MEMO1: variants seen among roughly 807,000 people sequenced by gnomAD.
MEMO1 encodes the protein protein MEMO1.
A neutral mutation model predicts 45.2 loss-of-function variants in MEMO1; 6 were observed. The observed-to-expected ratio is 0.13, with a 90% CI of 0.07 to 0.26. MEMO1 has a LOEUF of 0.26. MEMO1 is among the 10% of genes least tolerant of loss of function. The probability of loss-of-function intolerance (pLI) is 1.00; values close to 1 mark genes in which losing one functional copy is unlikely to be tolerated. For synonymous variants in MEMO1, 78 were observed against 124.3 expected (o/e 0.63, Z 2.48); for missense variants, 184 against 370.5 (o/e 0.50, Z 4.13).
chr2:31,950,535 A>G (rs566918879), intron 2 of MEMO1, among the ~76,000 whole-genome samples: 3 of 152,042 alleles, frequency 2.0e-5, no homozygotes, highest in Non-Finnish European at 4.4e-5. Flanking sequence ...CCTGGCCAAC[A>G]TGGTGAAACC....
At chr2:31,971,593 C>T (rs1669414235) in intron 2 of MEMO1, among the ~76,000 whole-genome samples, 1 of 152,056 alleles carries the variant, frequency 6.6e-6, no homozygotes, top group Admixed American at 6.6e-5. Flanking sequence ...CCAGGCTGAA[C>T]TAGAACTCCT....
At chr2:31,944,000 C>T (rs1190973924) in intron 2 of MEMO1, among the ~76,000 whole-genome samples, 1 of 152,188 alleles carries the variant, frequency 6.6e-6, no homozygotes, top group Non-Finnish European at 1.5e-5. Flanking sequence ...TGTCCTTCGT[C>T]TCTACTTCTT....
At chr2:31,918,175 A>G in intron 5 of MEMO1, 138 bp from the exon 6 acceptor site, 1 of 486,412 alleles carries the variant, frequency 2.1e-6, no homozygotes, top group East Asian at 3.3e-5. Context: ...TTTTTATTAA[A>G]ACAAAACAAA....
intron 2 of MEMO1, among the ~76,000 whole-genome samples, chr2:31,978,247 C>T (rs376242628): frequency 2.6e-5 from 4 of 151,862 alleles, no homozygotes; most frequent in Admixed American, 6.6e-5. Context: ...ATTAGCTGGG[C>T]GTGGTGGTGG....
chr2:32,002,433 A>C (rs561430342), intron 2 of MEMO1, among the ~76,000 whole-genome samples: 1 of 151,212 alleles, frequency 6.6e-6, no homozygotes, highest in African/African-American at 2.4e-5. Context: ...TAATACACAC[A>C]TATACATAAT....
intron 2 of MEMO1, among the ~76,000 whole-genome samples, chr2:32,001,358 T>A (rs943095030): frequency 1.3e-5 from 2 of 152,058 alleles, no homozygotes; most frequent in Non-Finnish European, 2.9e-5. Context: ...TAAATTTTAT[T>A]ACGTCCAATT....
In MEMO1 at chr2:31,951,154, T is replaced by A. The variant is rs771230507; in HGVS notation, c.62-7771A>T. Among the ~76,000 whole-genome samples, 89 of 152,322 alleles carry A rather than the reference T, an allele frequency of 5.8e-4. 1 individual carries two copies. The highest frequency in any genetic ancestry group is 1.8e-4 in the Non-Finnish European group (12 of 68,022). ...CCTTCTGTAATTGGTATTTAACTAG[T>A]ATGTTGACTGAAACATCAAAGGGGT... On this transcript the variant is annotated intron_variant, in intron 2 of 9. Transcript: ENST00000404530.
At chr2:31,993,815 T>C (rs575517299) in intron 2 of MEMO1, among the ~76,000 whole-genome samples, 38 of 152,146 alleles carry the variant, frequency 2.5e-4, no homozygotes, top group African/African-American at 8.0e-4. Flanking sequence ...GCTTTAATGA[T>C]AGAACTCCAC....
intron 4 of MEMO1, chr2:31,923,440 G>A (rs944405621): frequency 9.1e-6 from 4 of 439,794 alleles, no homozygotes; most frequent in African/African-American, 4.1e-5. Context: ...TCATCAATTC[G>A]AGAACCATTT....
chr2:31,872,830 G>A (rs190839145), intron 8 of MEMO1, among the ~76,000 whole-genome samples: 11 of 152,104 alleles, frequency 7.2e-5, no homozygotes, highest in Admixed American at 5.9e-4. Flanking sequence ...AAGGAAAGAT[G>A]GGAAAACTAA....
chr2:31,877,513 A>G (rs1315550958), intron 8 of MEMO1, among the ~76,000 whole-genome samples: 1 of 152,208 alleles, frequency 6.6e-6, no homozygotes, highest in East Asian at 1.9e-4. Context: ...ACAAACAGAA[A>G]TAAGTTTTGC....
intron 2 of MEMO1, among the ~76,000 whole-genome samples, chr2:31,992,432 A>C (rs1412642978): frequency 1.3e-5 from 2 of 152,252 alleles, no homozygotes; most frequent in Admixed American, 1.3e-4. Flanking sequence ...AAGTGGGTTC[A>C]TATCTCAAAT....
intron 6 of MEMO1, among the ~76,000 whole-genome samples, chr2:31,909,957 A>G (rs1680312263): frequency 6.6e-6 from 1 of 152,088 alleles, no homozygotes; most frequent in Non-Finnish European, 1.5e-5. Flanking sequence ...GCAAAAAACC[A>G]AAGACAAACA....
At chr2:31,873,094 T>C (rs1439270913) in intron 8 of MEMO1, among the ~76,000 whole-genome samples, 1 of 152,156 alleles carries the variant, frequency 6.6e-6, no homozygotes, top group Non-Finnish European at 1.5e-5. Flanking sequence ...CTTCCCCAAT[T>C]AGGCTGAATT....
At position 31,868,459 on chromosome 2, in the gene MEMO1, T is replaced by A. The variant is rs760629563; in HGVS notation, c.796A>T (p.Met266Leu). 1 of 1,604,554 alleles carries A rather than the reference T, an allele frequency of 6.2e-7. No individual in the cohort carries two copies. The highest frequency in any genetic ancestry group is 2.3e-5 in the East Asian group (1 of 44,392). ...GCATAATTCAAAAACGAAAAACTCA[T>A]ATTCATTCCATTCTTCTGGAGCTCT... ...ITELQKNGMNMSFSFLNYAQS... is the reference protein window; with the variant it reads ...ITELQKNGMNLSFSFLNYAQS... The change falls in exon 10 of 10, where the codon ATG (methionine) becomes TTG (leucine). Residue 266 changes from methionine to leucine, a missense_variant. Coordinates refer to ENST00000404530, the MANE Select transcript of MEMO1 (RefSeq NM_001301833.4).
chr2:31,965,695 T>C (rs1396321380), intron 2 of MEMO1, among the ~76,000 whole-genome samples: 3 of 152,150 alleles, frequency 2.0e-5, no homozygotes, highest in Admixed American at 1.3e-4. Flanking sequence ...TTGGAAGCCA[T>C]CATCCTCAGC....
At chr2:31,943,808 A>C (rs918440829) in intron 2 of MEMO1, among the ~76,000 whole-genome samples, 1 of 152,120 alleles carries the variant, frequency 6.6e-6, no homozygotes, top group Non-Finnish European at 1.5e-5. Context: ...TCCACACCCA[A>C]TGATCTTTTC....
chr2:31,962,218 T>C (rs956425089), intron 2 of MEMO1, among the ~76,000 whole-genome samples: 5 of 152,006 alleles, frequency 3.3e-5, no homozygotes, highest in Admixed American at 2.0e-4. Context: ...TGAAACCCCA[T>C]CTCTACTAAA....
chr2:31,943,271 C>CAAAACA (rs772267665), intron 3 of MEMO1, 31 bp downstream of exon 3: 15 of 1,564,522 alleles, frequency 9.6e-6, no homozygotes, highest in African/African-American at 2.7e-5. Context: ...TCTCAAAAAA[C>CAAAACA]AAAACAAAAA....
Sources: allele counts gnomAD v4.1 joint callset (sites outside exome capture counted in the v4.1 genomes callset), GRCh38; gene constraint gnomAD v4.1.1; transcripts MANE v1.5; gene names NCBI Gene and HGNC (gene_info 2026-07-23, HGNC 2026-07-21).